DZIP3: variants seen among roughly 807,000 people sequenced by gnomAD.
DZIP3 encodes E3 ubiquitin-protein ligase DZIP3.
Under a neutral mutation model 162.0 loss-of-function variants are expected in DZIP3, and 118 were observed. That is an observed-to-expected ratio of 0.73 (90% CI 0.63 to 0.85). The LOEUF is 0.85. Among genes scored for constraint, DZIP3 ranks in the 40% least tolerant of loss-of-function variants. The probability of loss-of-function intolerance (pLI) is 0.00; values close to 1 mark genes in which losing one functional copy is unlikely to be tolerated. For missense variants in DZIP3, 1,331 were observed against 1,407.0 expected (o/e 0.95, Z 0.86); for synonymous variants, 438 against 458.6 (o/e 0.96, Z 0.57).
At chr3:108,645,105 A>T (rs1198123432) in intron 14 of DZIP3, among the ~76,000 whole-genome samples, 4 of 152,204 alleles carry the variant, frequency 2.6e-5, no homozygotes, top group Non-Finnish European at 5.9e-5. Flanking sequence ...ACATAAAAAT[A>T]TACTGCAGGC....
rs754866213 is a variant in DZIP3, at chr3:108,608,210, T to C, written c.102+52T>C. On this transcript the variant is annotated intron_variant, in intron 3 of 32. Transcript: ENST00000361582. ...CTGTTAGTTAATTGATAATTAATTA[T>C]ATATGCAAATGCAGTAATACATCTA... 4 of 1,372,870 alleles carry C rather than the reference T, an allele frequency of 2.9e-6. No homozygotes were observed. The African/African-American group carries it at 4.3e-5, about 15-fold the overall frequency. The allele number at this position is 1,372,870 out of a possible 1,614,324, so 85.0% of individuals were successfully genotyped here.
intron 22 of DZIP3, among the ~76,000 whole-genome samples, 169 bp from the exon 23 acceptor site, chr3:108,672,391 A>T (rs1943954582): frequency 6.6e-6 from 1 of 151,944 alleles, no homozygotes; most frequent in African/African-American, 2.4e-5. Context: ...ATAGTAAAGG[A>T]TAACAGTAGG....
chr3:108,624,581 C>A, intron 6 of DZIP3, 57 bp downstream of exon 6: 3 of 929,704 alleles, frequency 3.2e-6, no homozygotes, highest in African/African-American at 1.7e-5. Context: ...AATAATCAGG[C>A]CAAAGATTAT....
chr3:108,632,982 T>C lies in DZIP3; in HGVS notation c.726T>C (p.Thr242=), dbSNP rs139869821. 5.5e-6 allele frequency: 8 copies of C among 1,453,444 alleles called. No homozygotes were observed. In the African/African-American group the frequency reaches 7.2e-5, roughly 13 times the overall value. The allele number at this position is 1,453,444 out of a possible 1,614,324, so 90.0% of individuals were successfully genotyped here. A position where few individuals can be genotyped will look rare whatever the true frequency, so the allele number is the denominator to read the frequency against. ...TTCTTAATAATTTTATCAAGACAAC[T>C]GAAAGCAATATAATGAAGCAGACGA... is the stretch of plus-strand genomic sequence containing the variant. ...KDLLNNFIKT[T]ESNIMKQTIC... Residue 242 remains threonine, a synonymous_variant, in exon 9 of 33, where the codon ACT becomes ACC. Coordinates refer to ENST00000361582, the MANE Select transcript of DZIP3 (RefSeq NM_014648.4).
chr3:108,684,152 TA>T, intron 26 of DZIP3, 63 bp from the exon 27 acceptor site: 2 of 1,528,024 alleles, frequency 1.3e-6, no homozygotes, highest in Middle Eastern at 1.8e-4. Context: ...GATGATTGCC[TA>T]AATAAATATA....
At chr3:108,608,939 G>A (rs1027314245) in intron 3 of DZIP3, among the ~76,000 whole-genome samples, 1 of 152,170 alleles carries the variant, frequency 6.6e-6, no homozygotes, top group Non-Finnish European at 1.5e-5. Context: ...GCATGGCTGG[G>A]TAGTCCTCAA....
intron 12 of DZIP3, among the ~76,000 whole-genome samples, chr3:108,639,675 T>A (rs1942301009): frequency 7.3e-6 from 1 of 137,862 alleles, no homozygotes; most frequent in Non-Finnish European, 1.6e-5. Flanking sequence ...AATTTGTGTC[T>A]TTTTTTTTTT....
chr3:108,627,777 A>G (rs1024337852), intron 7 of DZIP3, among the ~76,000 whole-genome samples: 2 of 152,288 alleles, frequency 1.3e-5, no homozygotes, highest in Non-Finnish European at 1.5e-5. Context: ...GGGTTCTGCA[A>G]TTCTTATGAT....
chr3:108,620,552 T>A (rs749016319), intron 5 of DZIP3, among the ~76,000 whole-genome samples: 3 of 152,222 alleles, frequency 2.0e-5, no homozygotes, highest in Non-Finnish European at 4.4e-5. Flanking sequence ...ATGTAACTAC[T>A]GCAATCAAGA....
rs1373661897 is a variant in DZIP3 at position 108,681,731 on chromosome 3, C to CA, written c.2884-2484dup. ...TAAAGAAAATGTGGCAAATATACAC[C>CA]ATGGAATACTCTGCCGCCATAAAAA... On this transcript the variant is annotated intron_variant, in intron 26 of 32. Coordinates refer to ENST00000361582, the MANE Select transcript of DZIP3 (RefSeq NM_014648.4). Among the ~76,000 whole-genome samples, 77 of 144,188 alleles carry CA rather than the reference C, an allele frequency of 5.3e-4. 2 individuals carry two copies. Among genetic ancestry groups the CA allele is most frequent in the African/African-American group, 2.1e-3 (71 of 34,006 alleles). 94.6% of individuals were successfully genotyped at this position (144,188 alleles called of 152,430 possible).
chr3:108,607,147 T>A (rs1940425384), intron 2 of DZIP3, among the ~76,000 whole-genome samples: 1 of 152,184 alleles, frequency 6.6e-6, no homozygotes, highest in East Asian at 1.9e-4. Context: ...TAAAGAGCAC[T>A]GAGAATCATA....
intron 1 of DZIP3, among the ~76,000 whole-genome samples, chr3:108,593,665 T>G (rs1290181764): frequency 6.7e-6 from 1 of 150,110 alleles, no homozygotes; most frequent in Non-Finnish European, 1.5e-5. Flanking sequence ...AGCAAATATT[T>G]GAATTTCTTT....
intron 11 of DZIP3, 67 bp downstream of exon 11, chr3:108,636,775 T>G: frequency 8.8e-7 from 1 of 1,138,334 alleles, no homozygotes; most frequent in South Asian, 1.4e-5. Context: ...ATTTTTGACT[T>G]GAAACAGACC....
intron 3 of DZIP3, among the ~76,000 whole-genome samples, chr3:108,610,016 A>G (rs1021792910): frequency 6.6e-6 from 1 of 152,184 alleles, no homozygotes; most frequent in Non-Finnish European, 1.5e-5. Flanking sequence ...GGGTTTTTCT[A>G]GTTACTTTGT....
chr3:108,652,772 CTA>C (rs1410905073), intron 18 of DZIP3, among the ~76,000 whole-genome samples: 4 of 151,748 alleles, frequency 2.6e-5, no homozygotes, highest in African/African-American at 7.3e-5. Flanking sequence ...TGTAATTTTT[CTA>C]TGTTTAGGTA....
At chr3:108,639,674 CT>C (rs772744063) in intron 12 of DZIP3, among the ~76,000 whole-genome samples, 120 of 144,426 alleles carry the variant, frequency 8.3e-4, no homozygotes, top group Non-Finnish European at 9.2e-4. Context: ...CAATTTGTGT[CT>C]TTTTTTTTTT....
In DZIP3 at chr3:108,691,062, G is replaced by A. The variant is rs146857315; in HGVS notation, c.*6+159G>A. ...GTCAGGACAAATCTTCAGGACTTGT[G>A]AAATGAACTGAAAGAGCTTGAAGCA... On this transcript the variant is annotated intron_variant, in intron 32 of 32. Transcript: ENST00000361582. The A allele has an allele frequency of 1.2e-3, 703 of 566,338 alleles. 7 individuals carry two copies. The highest frequency in any genetic ancestry group is 0.011 in the South Asian group (423 of 39,866). The allele number at this position is 566,338 out of a possible 1,614,324, so 35.1% of individuals were successfully genotyped here.
Position 108,688,098 on chromosome 3 carries a change from T to G in DZIP3, c.3270+2T>G. ...TTTATTGACCCCAAAAAGTCTCAGGTAAAATGCAAAAACAACCAAAAAACC... is the reference window on the plus strand; with the variant it reads ...TTTATTGACCCCAAAAAGTCTCAGGGAAAATGCAAAAACAACCAAAAAACC... On this transcript the variant is annotated splice_donor_variant, in intron 29 of 32. Coordinates refer to ENST00000361582, the MANE Select transcript of DZIP3 (RefSeq NM_014648.4). LOFTEE classifies it high-confidence loss of function. 6.2e-7 allele frequency: 1 copy of G among 1,612,928 alleles called. No homozygotes were observed. The highest frequency in any genetic ancestry group is 8.5e-7 in the Non-Finnish European group (1 of 1,179,330).
At chr3:108,636,485 A>G in intron 10 of DZIP3, 131 bp from the exon 11 acceptor site, 1 of 528,404 alleles carries the variant, frequency 1.9e-6, no homozygotes, top group Non-Finnish European at 3.2e-6. Flanking sequence ...TAACAGCTAC[A>G]TGTCAAATAT....
Sources: allele counts gnomAD v4.1 joint callset (sites outside exome capture counted in the v4.1 genomes callset), GRCh38; gene constraint gnomAD v4.1.1; transcripts MANE v1.5; gene names NCBI Gene and HGNC (gene_info 2026-07-23, HGNC 2026-07-21).